Variants in ANKS6 observed in about 807,000 individuals in gnomAD.
ANKS6 encodes the protein ankyrin repeat and sterile alpha motif domain containing 6.
Under a neutral mutation model 77.9 loss-of-function variants are expected in ANKS6, and 47 were observed. The observed-to-expected ratio is 0.60, with a 90% CI of 0.48 to 0.77. The LOEUF is 0.77. ANKS6 is among the 30% of genes least tolerant of loss of function. The pLI is 0.00. For synonymous variants in ANKS6, 488 were observed against 501.7 expected (o/e 0.97, Z 0.37); for missense variants, 1,150 against 1,159.1 (o/e 0.99, Z 0.11).
At chr9:98,771,542 G>C (rs989295403) in intron 9 of ANKS6, among the ~76,000 whole-genome samples, 9 of 152,150 alleles carry the variant, frequency 5.9e-5, no homozygotes, top group Non-Finnish European at 1.0e-4. Context: ...CCTGGTGCCA[G>C]TGCTCCTGGT....
At chr9:98,792,244 A>G (rs1157503751) in intron 1 of ANKS6, among the ~76,000 whole-genome samples, 1 of 152,074 alleles carries the variant, frequency 6.6e-6, no homozygotes, top group Non-Finnish European at 1.5e-5. Context: ...TTCAGGAGTC[A>G]TATCTCACCC....
At chr9:98,764,344 T>C (rs192434590) in intron 11 of ANKS6, among the ~76,000 whole-genome samples, 2 of 152,346 alleles carry the variant, frequency 1.3e-5, no homozygotes, top group Admixed American at 6.5e-5. Flanking sequence ...ATTTACCCTA[T>C]TGAGCATTCT....
At chr9:98,765,596 G>A (rs927885631) in intron 11 of ANKS6, among the ~76,000 whole-genome samples, 8 of 152,114 alleles carry the variant, frequency 5.3e-5, no homozygotes, top group African/African-American at 1.4e-4. Flanking sequence ...TTAAACTGCT[G>A]ACCCACAGAC....
rs1411374432 is a variant in ANKS6, at chr9:98,774,091, C to T, written c.1618-11G>A. 2 of 1,458,892 alleles carry T rather than the reference C, an allele frequency of 1.4e-6. No individual in the cohort carries two copies. Among genetic ancestry groups the T allele is most frequent in the South Asian group, 2.9e-5 (2 of 68,048 alleles). 90.4% of individuals were successfully genotyped at this position (1,458,892 alleles called of 1,614,324 possible). On this transcript the variant is annotated splice_polypyrimidine_tract_variant and intron_variant, in intron 8 of 14. Transcript: ENST00000353234. ...AGCTCCGTTTCGAAGCTGAAAAAGA[C>T]AGGCTGAGGGTTAGACAAGCCCCCA...
intron 2 of ANKS6, among the ~76,000 whole-genome samples, chr9:98,788,967 A>T (rs1305133037): frequency 1.3e-5 from 2 of 149,770 alleles, no homozygotes; most frequent in African/African-American, 2.5e-5. Flanking sequence ...CATTTTTGCC[A>T]CCTCTCTGTC....
At chr9:98,759,485 GC>G (rs1336584053) in intron 11 of ANKS6, among the ~76,000 whole-genome samples, 1 of 152,178 alleles carries the variant, frequency 6.6e-6, no homozygotes, top group Admixed American at 6.5e-5. Flanking sequence ...CCAGGAGACT[GC>G]CCCCACTTCA....
chr9:98,777,662 G>A (rs777781018), intron 7 of ANKS6, among the ~76,000 whole-genome samples: 3 of 152,260 alleles, frequency 2.0e-5, no homozygotes, highest in South Asian at 2.1e-4. Context: ...AACCACTGCC[G>A]TACTGAGTCA....
At chr9:98,769,576 C>T (rs1023067967) in intron 10 of ANKS6, among the ~76,000 whole-genome samples, 11 of 152,264 alleles carry the variant, frequency 7.2e-5, no homozygotes, top group Admixed American at 3.3e-4. Flanking sequence ...AAAAGGTGCT[C>T]ACAATCTAGC....
chr9:98,732,202 G>C lies in ANKS6; in HGVS notation c.*4317C>G. 2.4e-6 allele frequency: 1 copy of C among 424,506 alleles called. No homozygotes were observed. Among genetic ancestry groups the C allele is most frequent in the Non-Finnish European group, 4.3e-6 (1 of 234,918 alleles). The allele number at this position is 424,506 out of a possible 1,614,324, so 26.3% of individuals were successfully genotyped here. On this transcript the variant is annotated 3_prime_UTR_variant, in exon 15 of 15. Coordinates refer to ENST00000353234, the MANE Select transcript of ANKS6 (RefSeq NM_173551.5). ...GCAGAATTCTCCCAGGAAGGGTCCCGGGCTCTTCAGGAGGCATTTACTTGG... is the reference window on the plus strand; with the variant it reads ...GCAGAATTCTCCCAGGAAGGGTCCCCGGCTCTTCAGGAGGCATTTACTTGG...
chr9:98,752,002 C>T (rs960154912), intron 12 of ANKS6, among the ~76,000 whole-genome samples: 10 of 152,208 alleles, frequency 6.6e-5, no homozygotes, highest in Non-Finnish European at 1.5e-4. Context: ...AAGAGGATCA[C>T]TTGTGCCCAG....
chr9:98,759,513 C>T (rs1009601867), intron 11 of ANKS6, among the ~76,000 whole-genome samples: 4 of 152,174 alleles, frequency 2.6e-5, no homozygotes, highest in African/African-American at 9.7e-5. Flanking sequence ...AACTGAAAGC[C>T]CCAGATTGTT....
rs1043224457 is a variant in ANKS6 at position 98,733,863 on chromosome 9, G to A, written c.*2656C>T. The A allele has an allele frequency of 2.0e-5, 20 of 985,208 alleles. No individual in the cohort carries two copies. In the South Asian group the frequency reaches 7.1e-4, roughly 35 times the overall value. The allele number at this position is 985,208 out of a possible 1,614,324, so 61.0% of individuals were successfully genotyped here. ...TTTATGAAAAACCTATTATCCTGTG[G>A]AACTAGGGTTCCCAGGAGCATACTT... is the stretch of plus-strand genomic sequence containing the variant. On this transcript the variant is annotated 3_prime_UTR_variant, in exon 15 of 15. Transcript: ENST00000353234.
At chr9:98,782,372 T>C (rs898148477) in intron 5 of ANKS6, 95 bp downstream of exon 5, 146 of 1,134,398 alleles carry the variant, frequency 1.3e-4, no homozygotes, top group Non-Finnish European at 1.8e-4. Flanking sequence ...AATAAGCAAG[T>C]GCTTAAAACA....
At chr9:98,753,291 AC>A (rs1463206308) in intron 12 of ANKS6, among the ~76,000 whole-genome samples, 2 of 152,208 alleles carry the variant, frequency 1.3e-5, no homozygotes, top group African/African-American at 4.8e-5. Flanking sequence ...GTTTACATGA[AC>A]AAGAAACATA....
chr9:98,780,871 C>T (rs1834208804), intron 5 of ANKS6, among the ~76,000 whole-genome samples: 2 of 151,588 alleles, frequency 1.3e-5, no homozygotes, highest in Admixed American at 1.3e-4. Context: ...CTACTCCAAA[C>T]TATTAACAAT....
intron 12 of ANKS6, among the ~76,000 whole-genome samples, chr9:98,754,286 C>T (rs886095269): frequency 4.6e-5 from 7 of 152,126 alleles, no homozygotes; most frequent in African/African-American, 1.7e-4. Context: ...AGACATGAGG[C>T]AGGGAAAAGC....
At chr9:98,781,709 T>C (rs970720076) in intron 5 of ANKS6, among the ~76,000 whole-genome samples, 2 of 152,160 alleles carry the variant, frequency 1.3e-5, no homozygotes, top group Non-Finnish European at 2.9e-5. Flanking sequence ...GCCTGCTGGC[T>C]ACCCCTCTAG....
intron 3 of ANKS6, 138 bp from the exon 4 acceptor site, chr9:98,784,295 A>G: frequency 2.8e-6 from 2 of 723,650 alleles, no homozygotes; most frequent in East Asian, 3.1e-5. Context: ...GGGGATACTA[A>G]GAGGGCGTCA....
chr9:98,752,811 A>G (rs993550428), intron 12 of ANKS6, among the ~76,000 whole-genome samples: 2 of 152,182 alleles, frequency 1.3e-5, no homozygotes, highest in Admixed American at 6.5e-5. Context: ...TGGGTGGTGC[A>G]TGCTATGGTG....
Sources: gnomAD v4.1 joint callset for allele counts (sites outside exome capture counted in the v4.1 genomes callset) on GRCh38, gnomAD v4.1.1 for gene constraint, MANE v1.5 for transcripts, NCBI Gene and HGNC (gene_info 2026-07-23, HGNC 2026-07-21) for gene names.